Variants in SEL1L2 observed in about 807,000 individuals in gnomAD.
The protein encoded by SEL1L2 is protein sel-1 homolog 2.
A neutral mutation model predicts 98.8 loss-of-function variants in SEL1L2; 89 were observed. That is an observed-to-expected ratio of 0.90 (90% CI 0.76 to 1.07). SEL1L2 has a LOEUF of 1.07. Among genes scored for constraint, SEL1L2 ranks in the 50% least tolerant of loss-of-function variants. The probability of loss-of-function intolerance (pLI) is 0.00; values close to 1 mark genes in which losing one functional copy is unlikely to be tolerated. For synonymous variants in SEL1L2, 262 were observed against 278.5 expected, an observed-to-expected ratio of 0.94 and a Z score of 0.59; for missense variants, 788 against 812.0, an observed-to-expected ratio of 0.97 and a Z score of 0.36.
At chr20:13,983,047 A>AAAAAAAAAAAAAAAAAAAAC (rs1569086282) in intron 1 of SEL1L2, among the ~76,000 whole-genome samples, 5 of 144,200 alleles carry the variant, frequency 3.5e-5, no homozygotes, top group African/African-American at 1.3e-4. Context: ...AAAAAAAAAA[A>AAAAAAAAAAAAAAAAAAAAC]AGCAGCAGCC....
chr20:13,938,691 A>C (rs2049578751), intron 2 of SEL1L2, among the ~76,000 whole-genome samples: 1 of 152,162 alleles, frequency 6.6e-6, no homozygotes, highest in Non-Finnish European at 1.5e-5. Context: ...TGAGCAAATT[A>C]ACCTCTCTGT....
chr20:13,984,983 A>G (rs1302217058), intron 1 of SEL1L2, among the ~76,000 whole-genome samples: 1 of 152,158 alleles, frequency 6.6e-6, no homozygotes, highest in African/African-American at 2.4e-5. Flanking sequence ...GCTATTTGAA[A>G]ATATACAATA....
intron 5 of SEL1L2, among the ~76,000 whole-genome samples, chr20:13,911,675 G>A (rs371105244): frequency 1.4e-4 from 21 of 151,804 alleles, no homozygotes; most frequent in African/African-American, 9.7e-5. Flanking sequence ...TGATGATGTC[G>A]GTCTGTATAT....
chr20:13,895,047 C>T lies in SEL1L2; in HGVS notation c.550-6535G>A, dbSNP rs149741064. 4.1e-3 allele frequency among the ~76,000 whole-genome samples: 621 copies of T among 152,228 alleles called. 2 individuals are homozygous for T. Among genetic ancestry groups the T allele is most frequent in the Non-Finnish European group, 5.1e-3 (349 of 68,020 alleles). On this transcript the variant is annotated intron_variant, in intron 5 of 19. Transcript: ENST00000284951. ...TATACCTGAATATTGATGCCCAAAT[C>T]CTCAACAAAATACTAGCAAACTGAA...
At chr20:13,866,304 G>A (rs1293986841) in intron 15 of SEL1L2, among the ~76,000 whole-genome samples, 1 of 152,150 alleles carries the variant, frequency 6.6e-6, no homozygotes, top group Non-Finnish European at 1.5e-5. Flanking sequence ...AAAACCTAAG[G>A]ATGCTGCTTT....
intron 2 of SEL1L2, among the ~76,000 whole-genome samples, chr20:13,936,078 G>A (rs2049438277): frequency 6.6e-6 from 1 of 152,192 alleles, no homozygotes; most frequent in Admixed American, 6.5e-5. Flanking sequence ...GGAGAAAGAA[G>A]CTGTGTTTTG....
chr20:13,914,366 A>T (rs1196923183), intron 4 of SEL1L2, among the ~76,000 whole-genome samples: 2 of 152,226 alleles, frequency 1.3e-5, no homozygotes, highest in Non-Finnish European at 2.9e-5. Context: ...ATATAAGAAT[A>T]ATCAAAATTG....
chr20:13,982,926 A>G (rs1334258900), intron 1 of SEL1L2, among the ~76,000 whole-genome samples: 2 of 149,000 alleles, frequency 1.3e-5, no homozygotes, highest in African/African-American at 4.9e-5. Context: ...CGGGAGGCTG[A>G]GGCAGAAGAA....
intron 5 of SEL1L2, among the ~76,000 whole-genome samples, chr20:13,894,514 C>T (rs1184315295): frequency 6.6e-6 from 1 of 152,178 alleles, no homozygotes; most frequent in African/African-American, 2.4e-5. Flanking sequence ...AAGCAGAGGT[C>T]ACACCACTGC....
chr20:13,909,530 C>T (rs764981994), intron 5 of SEL1L2, among the ~76,000 whole-genome samples: 3 of 152,138 alleles, frequency 2.0e-5, no homozygotes, highest in Non-Finnish European at 4.4e-5. Context: ...CTGGAGGCTC[C>T]CTGCTTATCC....
chr20:13,969,880 G>T (rs554228362), intron 1 of SEL1L2, among the ~76,000 whole-genome samples: 1 of 152,156 alleles, frequency 6.6e-6, no homozygotes, highest in African/African-American at 2.4e-5. Flanking sequence ...AGGTCTCACT[G>T]GATACTACTG....
At chr20:13,975,076 A>C (rs576576924) in intron 1 of SEL1L2, among the ~76,000 whole-genome samples, 1 of 152,204 alleles carries the variant, frequency 6.6e-6, no homozygotes, top group Non-Finnish European at 1.5e-5. Context: ...TAAAGAAGTC[A>C]TAAGAACCAG....
intron 1 of SEL1L2, among the ~76,000 whole-genome samples, chr20:13,985,503 C>CA (rs1235717854): frequency 1.3e-5 from 2 of 152,192 alleles, no homozygotes; most frequent in Non-Finnish European, 2.9e-5. Context: ...ACCTCTCCCT[C>CA]ATTCTGTGCC....
intron 18 of SEL1L2, among the ~76,000 whole-genome samples, chr20:13,853,152 CAA>C (rs910370808): frequency 6.6e-6 from 1 of 152,014 alleles, no homozygotes; most frequent in African/African-American, 2.4e-5. Flanking sequence ...CTTAACCTAA[CAA>C]TATATTTCAA....
chr20:13,978,378 A>G (rs2051645463), intron 1 of SEL1L2, among the ~76,000 whole-genome samples: 1 of 152,224 alleles, frequency 6.6e-6, no homozygotes, highest in Non-Finnish European at 1.5e-5. Context: ...ACCTAAACAC[A>G]ATAGAATAGC....
At chr20:13,953,004 C>T (rs921734490) in intron 2 of SEL1L2, among the ~76,000 whole-genome samples, 1 of 152,146 alleles carries the variant, frequency 6.6e-6, no homozygotes, top group African/African-American at 2.4e-5. Context: ...CCTCTCTTCA[C>T]TGATAGGTAA....
intron 12 of SEL1L2, among the ~76,000 whole-genome samples, chr20:13,875,648 G>GA (rs1330914993): frequency 2.0e-5 from 3 of 152,148 alleles, no homozygotes; most frequent in Non-Finnish European, 4.4e-5. Context: ...ACATTCCTAG[G>GA]ATGTCTTTGT....
chr20:13,869,510 C>A lies in SEL1L2; in HGVS notation c.1248G>T (p.Met416Ile). ...TGTATTTGTGGCACTTACAGTAGTA[C>A]ATGAAGCCTAACTGGAACTGTGCGT... is the stretch of plus-strand genomic sequence containing the variant. ...WPDAQFQLGF[M>I]YYSGSGIWKD... is the part of the protein sequence containing the mutation. The change falls in exon 14 of 20, where the codon ATG becomes ATT. Residue 416 changes from methionine to isoleucine, a missense_variant. Transcript: ENST00000284951. 6.2e-7 allele frequency: 1 copy of A among 1,613,186 alleles called. No homozygotes were observed. Among genetic ancestry groups the A allele is most frequent in the Non-Finnish European group, 8.5e-7 (1 of 1,179,122 alleles).
chr20:13,905,915 C>A (rs1939910756), intron 5 of SEL1L2, among the ~76,000 whole-genome samples: 1 of 147,648 alleles, frequency 6.8e-6, no homozygotes, highest in African/African-American at 2.5e-5. Flanking sequence ...ACTCTTGACG[C>A]CCAGGCTGGA....
Sources: gnomAD v4.1 joint callset for allele counts (sites outside exome capture counted in the v4.1 genomes callset) on GRCh38, gnomAD v4.1.1 for gene constraint, MANE v1.5 for transcripts, NCBI Gene and HGNC (gene_info 2026-07-23, HGNC 2026-07-21) for gene names.